DPYD: variants seen among roughly 807,000 people sequenced by gnomAD.
DPYD encodes the protein dihydropyrimidine dehydrogenase [NADP(+)].
Under a neutral mutation model 116.2 loss-of-function variants are expected in DPYD, and 109 were observed. The ratio of observed to expected loss-of-function variants is 0.94; its 90% CI spans 0.80 to 1.10. The LOEUF is 1.10. Ranked by LOEUF, DPYD falls within the 50% of genes least tolerant of loss-of-function variation. DPYD has a pLI of 0.00. For missense variants in DPYD, 1,302 were observed against 1,254.5 expected, an observed-to-expected ratio of 1.04 and a Z score of -0.57; for synonymous variants, 440 against 432.0, an observed-to-expected ratio of 1.02 and a Z score of -0.23.
chr1:97,908,452 C>T (rs1673760123), intron 1 of DPYD, among the ~76,000 whole-genome samples: 1 of 152,024 alleles, frequency 6.6e-6, no homozygotes, highest in Non-Finnish European at 1.5e-5. Context: ...CCACCACACC[C>T]TCTACCCAGA....
At chr1:97,786,010 C>A (rs1396523674) in intron 3 of DPYD, among the ~76,000 whole-genome samples, 3 of 151,014 alleles carry the variant, frequency 2.0e-5, no homozygotes, top group Non-Finnish European at 4.4e-5. Flanking sequence ...TGACTCTTGA[C>A]TGCAATGATA....
chr1:97,374,930 G>A (rs1421878091), intron 15 of DPYD, among the ~76,000 whole-genome samples: 1 of 150,288 alleles, frequency 6.7e-6, no homozygotes, highest in East Asian at 2.0e-4. Flanking sequence ...TTGGGAAGCT[G>A]AGGCAGGAGA....
chr1:97,801,289 C>T (rs148349217), intron 3 of DPYD, among the ~76,000 whole-genome samples: 2 of 151,940 alleles, frequency 1.3e-5, no homozygotes, highest in East Asian at 3.9e-4. Flanking sequence ...TGATCTGAAA[C>T]TCCTAACCTT....
intron 12 of DPYD, among the ~76,000 whole-genome samples, chr1:97,525,344 G>T (rs912320773): frequency 1.3e-5 from 2 of 151,824 alleles, no homozygotes; most frequent in Non-Finnish European, 2.9e-5. Context: ...AAATTATATT[G>T]CAGTATAGCT....
At chr1:97,716,095 T>C (rs946369647) in intron 5 of DPYD, among the ~76,000 whole-genome samples, 1 of 152,108 alleles carries the variant, frequency 6.6e-6, no homozygotes, top group African/African-American at 2.4e-5. Flanking sequence ...TAAATGTTGA[T>C]GTAATTTAAA....
intron 8 of DPYD, among the ~76,000 whole-genome samples, chr1:97,606,210 T>TGCCTACTA (rs1363519662): frequency 1.3e-5 from 2 of 152,104 alleles, no homozygotes; most frequent in Non-Finnish European, 1.5e-5. Context: ...ATTTACTGAA[T>TGCCTACTA]GCCTACTACG....
intron 13 of DPYD, among the ~76,000 whole-genome samples, chr1:97,514,612 C>A (rs139056972): frequency 6.6e-6 from 1 of 151,706 alleles, no homozygotes; most frequent in Non-Finnish European, 1.5e-5. Context: ...TATTCTGTTA[C>A]GCTTCACACT....
At chr1:97,214,702 C>T (rs1221979341) in intron 19 of DPYD, among the ~76,000 whole-genome samples, 5 of 152,060 alleles carry the variant, frequency 3.3e-5, no homozygotes, top group Non-Finnish European at 7.4e-5. Context: ...CCATTTTTTC[C>T]TGTGATGGAT....
rs1035170251 is a variant in DPYD at position 97,546,551 on chromosome 1, A to G, written c.1524+3009T>C. 2.5e-6 allele frequency: 4 copies of G among 1,598,998 alleles called. No homozygotes were observed. The South Asian group carries it at 4.4e-5, about 18-fold the overall frequency. On this transcript the variant is annotated intron_variant, in intron 12 of 22. Coordinates refer to ENST00000370192, the MANE Select transcript of DPYD (RefSeq NM_000110.4). ...TTACTACAAAGCATACAGCAAGAAG[A>G]GAGCGCTCTATTGGAAACCAAATCA...
chr1:97,208,170 T>TTTTC (rs889249423), intron 19 of DPYD, among the ~76,000 whole-genome samples: 4 of 151,948 alleles, frequency 2.6e-5, no homozygotes, highest in Non-Finnish European at 5.9e-5. Context: ...TTTTCTTTTC[T>TTTTC]TTTCTTTCTT....
rs573995265 is a variant in DPYD at position 97,745,583 on chromosome 1, T to C, written c.234-5104A>G. On this transcript the variant is annotated intron_variant, in intron 3 of 22. Transcript: ENST00000370192. ...GGGGATTATTGGTTTTACCATATAA[T>C]AGCTTTAAAATGTATAGTTTATACT... Among the ~76,000 whole-genome samples the C allele has an allele frequency of 1.1e-4, 17 of 152,282 alleles. No individual in the cohort carries two copies. The South Asian group carries it at 3.5e-3, about 32-fold the overall frequency.
chr1:97,545,271 T>C (rs1285947918), intron 12 of DPYD, among the ~76,000 whole-genome samples: 3 of 152,198 alleles, frequency 2.0e-5, no homozygotes, highest in African/African-American at 7.2e-5. Flanking sequence ...CTCTAGCCTT[T>C]CCTAACTTTT....
At chr1:97,142,270 A>C (rs1654281224) in intron 20 of DPYD, among the ~76,000 whole-genome samples, 1 of 152,210 alleles carries the variant, frequency 6.6e-6, no homozygotes, top group Admixed American at 6.5e-5. Context: ...ATCTATCTTC[A>C]GTTAGACTTT....
intron 19 of DPYD, among the ~76,000 whole-genome samples, chr1:97,216,782 G>A (rs114915670): frequency 9.2e-4 from 139 of 150,414 alleles, no homozygotes; most frequent in African/African-American, 3.3e-3. Context: ...GTGACAGAGC[G>A]ACACTCGTCT....
intron 7 of DPYD, among the ~76,000 whole-genome samples, chr1:97,687,256 G>A (rs928345028): frequency 6.6e-6 from 1 of 152,182 alleles, no homozygotes; most frequent in East Asian, 1.9e-4. Flanking sequence ...GGGTAACAGA[G>A]CTAGACTCCA....
chr1:97,642,333 T>G (rs1657963417), intron 8 of DPYD, among the ~76,000 whole-genome samples: 1 of 152,066 alleles, frequency 6.6e-6, no homozygotes. Flanking sequence ...GCTACCTGAC[T>G]TCAAACTATA....
At chr1:97,196,868 GC>G (rs1452885881) in intron 19 of DPYD, among the ~76,000 whole-genome samples, 2 of 152,078 alleles carry the variant, frequency 1.3e-5, no homozygotes, top group African/African-American at 4.8e-5. Context: ...TGGACCAAAT[GC>G]ATACGTTTTT....
chr1:97,630,717 A>T (rs150993216), intron 8 of DPYD, among the ~76,000 whole-genome samples: 1 of 152,290 alleles, frequency 6.6e-6, no homozygotes, highest in East Asian at 1.9e-4. Flanking sequence ...CTTTATCTCC[A>T]GTAAGAAAGT....
chr1:97,130,489 C>G (rs926972868), intron 20 of DPYD, among the ~76,000 whole-genome samples: 2 of 152,100 alleles, frequency 1.3e-5, no homozygotes, highest in African/African-American at 4.8e-5. Flanking sequence ...TACTAGGCTG[C>G]TCAGAGTATT....
Sources: gnomAD v4.1 joint callset for allele counts (sites outside exome capture counted in the v4.1 genomes callset) on GRCh38, gnomAD v4.1.1 for gene constraint, MANE v1.5 for transcripts, NCBI Gene and HGNC (gene_info 2026-07-23, HGNC 2026-07-21) for gene names.